TBC1D19: variants seen among roughly 807,000 people sequenced by gnomAD.
TBC1D19 encodes the protein TBC1 domain family member 19.
Under a neutral mutation model 89.0 loss-of-function variants are expected in TBC1D19, and 60 were observed. That is an observed-to-expected ratio of 0.67 (90% confidence interval 0.55 to 0.84). The LOEUF (loss-of-function observed/expected upper bound fraction) is 0.84. Among genes scored for constraint, TBC1D19 ranks in the 40% least tolerant of loss-of-function variants. TBC1D19 has a pLI of 0.00. For missense variants in TBC1D19, 500 were observed against 610.8 expected (o/e 0.82, Z 1.91); for synonymous variants, 189 against 199.7 (o/e 0.95, Z 0.45).
At chr4:26,621,931 A>G (rs1248731624) in intron 4 of TBC1D19, among the ~76,000 whole-genome samples, 1 of 152,152 alleles carries the variant, frequency 6.6e-6, no homozygotes, top group Non-Finnish European at 1.5e-5. Flanking sequence ...TGATGAGTTC[A>G]TGTCCTTTGT....
At chr4:26,810,551 A>G in the TBC1D19 span, among the ~76,000 whole-genome samples, 1 of 152,052 alleles carries the variant, frequency 6.6e-6, no homozygotes, top group East Asian at 1.9e-4. Flanking sequence ...TAGCAGCCAC[A>G]GTCAGTTCAT....
chr4:26,593,328 T>A (rs1381709627), intron 1 of TBC1D19, among the ~76,000 whole-genome samples: 3 of 151,982 alleles, frequency 2.0e-5, no homozygotes, highest in Non-Finnish European at 4.4e-5. Context: ...CACCTTATAC[T>A]AAAATTAATT....
chr4:26,838,713 C>T, the TBC1D19 span, among the ~76,000 whole-genome samples: 2 of 152,216 alleles, frequency 1.3e-5, no homozygotes, highest in Admixed American at 6.5e-5. Flanking sequence ...CTGATTACTT[C>T]GCAAGGATTC....
intron 1 of TBC1D19, chr4:26,585,111 A>G (rs1234604967): frequency 7.1e-6 from 3 of 425,132 alleles, no homozygotes; most frequent in African/African-American, 6.2e-5. Context: ...ACATTCTAGT[A>G]TACGATTTTG....
intron 4 of TBC1D19, among the ~76,000 whole-genome samples, chr4:26,633,659 C>T (rs970750641): frequency 2.6e-5 from 4 of 152,076 alleles, no homozygotes; most frequent in African/African-American, 9.7e-5. Context: ...TTTCTTCTTG[C>T]CTTAAATCCT....
At chr4:26,843,150 A>G in the TBC1D19 span, among the ~76,000 whole-genome samples, 2 of 152,246 alleles carry the variant, frequency 1.3e-5, no homozygotes, top group South Asian at 4.1e-4. Context: ...TTCCACTGCC[A>G]GAAACATAAA....
intron 8 of TBC1D19, among the ~76,000 whole-genome samples, chr4:26,665,102 C>T (rs781490597): frequency 2.2e-4 from 33 of 151,952 alleles, no homozygotes; most frequent in South Asian, 4.2e-4. Flanking sequence ...GGGGTGCCTT[C>T]GATGTCATTA....
chr4:26,801,801 A>T, the TBC1D19 span, among the ~76,000 whole-genome samples: 5 of 152,152 alleles, frequency 3.3e-5, no homozygotes, highest in Non-Finnish European at 5.9e-5. Flanking sequence ...CATGTGACCA[A>T]CGCATATGTG....
the TBC1D19 span, among the ~76,000 whole-genome samples, chr4:26,772,119 C>T: frequency 1.5e-5 from 2 of 133,398 alleles, no homozygotes; most frequent in Admixed American, 9.0e-5. Context: ...AGTTTTAGCC[C>T]TCCAACTTTT....
intron 7 of TBC1D19, among the ~76,000 whole-genome samples, chr4:26,653,225 C>G (rs1432538445): frequency 6.6e-6 from 1 of 152,192 alleles, no homozygotes; most frequent in Non-Finnish European, 1.5e-5. Flanking sequence ...GCACTGTGGT[C>G]TGAGAGACAG....
chr4:26,767,897 G>A, the TBC1D19 span, among the ~76,000 whole-genome samples: 1 of 152,136 alleles, frequency 6.6e-6, no homozygotes, highest in African/African-American at 2.4e-5. Flanking sequence ...GCCCTAACTT[G>A]CTGCCTGTGG....
At chr4:26,842,527 T>G in the TBC1D19 span, among the ~76,000 whole-genome samples, 5 of 127,672 alleles carry the variant, frequency 3.9e-5, no homozygotes, top group African/African-American at 6.7e-5. Context: ...TTCCCTTTCT[T>G]CCCTTCCTTC....
At chr4:26,614,173 A>G (rs2110017024) in intron 2 of TBC1D19, among the ~76,000 whole-genome samples, 1 of 152,338 alleles carries the variant, frequency 6.6e-6, no homozygotes, top group East Asian at 1.9e-4. Context: ...TGGTGCAATA[A>G]TGATATTATT....
the TBC1D19 span, among the ~76,000 whole-genome samples, chr4:26,850,182 G>A: frequency 6.6e-6 from 1 of 152,046 alleles, no homozygotes; most frequent in Admixed American, 6.6e-5. Flanking sequence ...TTTACAGAGG[G>A]GTAATCAACT....
At chr4:26,613,318 G>T in intron 2 of TBC1D19, 77 bp downstream of exon 2, 1 of 901,106 alleles carries the variant, frequency 1.1e-6, no homozygotes, top group South Asian at 1.8e-5. Flanking sequence ...AAGCCCTCAA[G>T]CTTGTACAAC....
At chr4:26,709,977 A>T (rs1370239122) in intron 13 of TBC1D19, among the ~76,000 whole-genome samples, 1 of 152,082 alleles carries the variant, frequency 6.6e-6, no homozygotes, top group African/African-American at 2.4e-5. Flanking sequence ...TTTCAAAGCT[A>T]GTAAGCCACA....
chr4:26,632,683 T>C (rs1003634790), intron 4 of TBC1D19, among the ~76,000 whole-genome samples: 1 of 152,122 alleles, frequency 6.6e-6, no homozygotes, highest in Non-Finnish European at 1.5e-5. Flanking sequence ...TTTTACTTTT[T>C]CATTTTTCTA....
chr4:26,699,937 A>C (rs1036618130), intron 13 of TBC1D19, among the ~76,000 whole-genome samples: 2 of 152,036 alleles, frequency 1.3e-5, no homozygotes, highest in Non-Finnish European at 2.9e-5. Context: ...GGGTGCAGCA[A>C]ACCAACATGG....
intron 1 of TBC1D19, among the ~76,000 whole-genome samples, chr4:26,578,141 T>A (rs1366639585): frequency 2.0e-5 from 3 of 152,206 alleles, no homozygotes; most frequent in Non-Finnish European, 4.4e-5. Flanking sequence ...GGTAACAGGC[T>A]TTTGGTCCCT....
Sources: gnomAD v4.1 joint callset for allele counts (sites outside exome capture counted in the v4.1 genomes callset) on GRCh38, gnomAD v4.1.1 for gene constraint, MANE v1.5 for transcripts, NCBI Gene and HGNC (gene_info 2026-07-23, HGNC 2026-07-21) for gene names.